IL1RAPL2: variants seen among roughly 807,000 people sequenced by gnomAD.
The protein encoded by IL1RAPL2 is X-linked interleukin-1 receptor accessory protein-like 2.
Under a neutral mutation model 44.1 loss-of-function variants are expected in IL1RAPL2, and 3 were observed. The ratio of observed to expected loss-of-function variants is 0.07; its 90% CI spans 0.03 to 0.18. IL1RAPL2 has a LOEUF of 0.18. IL1RAPL2 is among the 10% of genes least tolerant of loss of function. The probability of loss-of-function intolerance (pLI) is 1.00; values close to 1 mark genes in which losing one functional copy is unlikely to be tolerated. For synonymous variants in IL1RAPL2, 181 were observed against 178.8 expected (o/e 1.01, Z -0.10); for missense variants, 391 against 496.4 (o/e 0.79, Z 2.02).
chrX:104,769,498 G>T (rs900281113), intron 2 of IL1RAPL2, among the ~76,000 whole-genome samples: 1 of 112,233 alleles, frequency 8.9e-6, no homozygotes, highest in Non-Finnish European at 1.9e-5. Context: ...GAATGTAAAA[G>T]AATATAGTAA....
At chrX:105,266,149 C>A (rs1367428058) in intron 4 of IL1RAPL2, among the ~76,000 whole-genome samples, 1 of 109,613 alleles carries the variant, frequency 9.1e-6, no homozygotes, top group Non-Finnish European at 1.9e-5. Context: ...TCAAGAGATT[C>A]TTCTGCCTCA....
chrX:104,709,691 C>T (rs188758829), intron 2 of IL1RAPL2, among the ~76,000 whole-genome samples: 18 of 110,649 alleles, frequency 1.6e-4, no homozygotes, highest in Non-Finnish European at 2.7e-4. Context: ...TATGTATAAC[C>T]GTGATCAAGA....
intron 6 of IL1RAPL2, among the ~76,000 whole-genome samples, chrX:105,523,249 G>A (rs761692619): frequency 5.6e-4 from 62 of 111,509 alleles, no homozygotes; most frequent in African/African-American, 2.0e-3. Context: ...ATGGTAGTTA[G>A]CATTGCAAGT....
intron 2 of IL1RAPL2, among the ~76,000 whole-genome samples, chrX:105,119,629 T>C (rs2147571192): frequency 9.0e-6 from 1 of 110,809 alleles, no homozygotes; most frequent in Admixed American, 9.6e-5. Context: ...CTTTGTTTTC[T>C]CTTTGTTCAA....
At chrX:104,856,796 T>A (rs1467453326) in intron 2 of IL1RAPL2, among the ~76,000 whole-genome samples, 1 of 112,285 alleles carries the variant, frequency 8.9e-6, no homozygotes, top group Non-Finnish European at 1.9e-5. Context: ...TTATCAAGAA[T>A]AAAACATTTT....
chrX:105,658,798 CAA>C (rs60498943), intron 6 of IL1RAPL2, among the ~76,000 whole-genome samples: 3 of 93,234 alleles, frequency 3.2e-5, no homozygotes, highest in African/African-American at 3.9e-5. Context: ...ACTAAAAATA[CAA>C]AAAAAAAAAA....
At chrX:105,242,770 C>A (rs2034182447) in intron 4 of IL1RAPL2, among the ~76,000 whole-genome samples, 1 of 111,158 alleles carries the variant, frequency 9.0e-6, no homozygotes, top group Admixed American at 9.6e-5. Context: ...GAGAAGATGG[C>A]CAGAAAAGCA....
chrX:104,705,505 C>A (rs778949934), intron 2 of IL1RAPL2, among the ~76,000 whole-genome samples: 3 of 111,103 alleles, frequency 2.7e-5, no homozygotes, highest in African/African-American at 9.8e-5. Context: ...AACATCTCAT[C>A]AGCTGAATAA....
chrX:104,582,208 C>T (rs778345191), intron 1 of IL1RAPL2, among the ~76,000 whole-genome samples: 254 of 112,000 alleles, frequency 2.3e-3, no homozygotes, highest in Non-Finnish European at 3.9e-3. Context: ...ACACCAGCTA[C>T]TATGGTTTGT....
intron 2 of IL1RAPL2, among the ~76,000 whole-genome samples, chrX:104,936,771 A>T (rs1394146899): frequency 2.8e-5 from 3 of 108,766 alleles, no homozygotes; most frequent in African/African-American, 1.0e-4. Flanking sequence ...ACGGTGGCTA[A>T]TTTTTTTTGT....
At chrX:104,840,500 A>G (rs1921871986) in intron 2 of IL1RAPL2, among the ~76,000 whole-genome samples, 1 of 111,451 alleles carries the variant, frequency 9.0e-6, no homozygotes, top group African/African-American at 3.3e-5. Flanking sequence ...GGTCAGTTTT[A>G]CAATAAGTGC....
chrX:105,354,627 T>C (rs1203371112), intron 5 of IL1RAPL2, among the ~76,000 whole-genome samples: 1 of 109,573 alleles, frequency 9.1e-6, no homozygotes, highest in Non-Finnish European at 1.9e-5. Flanking sequence ...ATTGTGCACA[T>C]GTACCCTAAA....
chrX:104,824,018 G>A (rs1006747304), intron 2 of IL1RAPL2, among the ~76,000 whole-genome samples: 1 of 111,667 alleles, frequency 9.0e-6, no homozygotes, highest in Non-Finnish European at 1.9e-5. Flanking sequence ...GATATTGGCG[G>A]TGGGTTTGTC....
chrX:104,743,491 A>G (rs924603647), intron 2 of IL1RAPL2, among the ~76,000 whole-genome samples: 1 of 110,533 alleles, frequency 9.0e-6, no homozygotes, highest in Non-Finnish European at 1.9e-5. Context: ...AATAATTACC[A>G]CTGCAAAAAT....
intron 1 of IL1RAPL2, among the ~76,000 whole-genome samples, chrX:104,632,212 G>A (rs1929667206): frequency 9.0e-6 from 1 of 111,287 alleles, no homozygotes; most frequent in African/African-American, 3.3e-5. Context: ...TCTCTGTTTT[G>A]GTACCAGTAC....
chrX:105,075,540 G>A (rs943730958), intron 2 of IL1RAPL2, among the ~76,000 whole-genome samples: 5 of 111,589 alleles, frequency 4.5e-5, no homozygotes, highest in Admixed American at 1.9e-4. Context: ...TTGGTATCAG[G>A]ATGATGCTGG....
At chrX:105,532,843 A>G (rs1231256894) in intron 6 of IL1RAPL2, among the ~76,000 whole-genome samples, 1 of 111,385 alleles carries the variant, frequency 9.0e-6, no homozygotes, top group African/African-American at 3.3e-5. Flanking sequence ...TATTTCATAT[A>G]TACATACACC....
At chrX:104,908,491 C>G (rs1414269377) in intron 2 of IL1RAPL2, among the ~76,000 whole-genome samples, 1 of 111,057 alleles carries the variant, frequency 9.0e-6, no homozygotes. Context: ...TCTTTTAGGG[C>G]AGGCCTGGTG....
At position 105,527,436 on chromosome X, in the gene IL1RAPL2, T is replaced by TTGTGTGTG. The variant is rs10687485; in HGVS notation, c.772+43077_772+43084dup. Among the ~76,000 whole-genome samples the TTGTGTGTG allele has an allele frequency of 6.4e-4, 61 of 95,649 alleles. 1 individual carries two copies. In the South Asian group the frequency reaches 0.011, roughly 18 times the overall value. The allele number at this position is 95,649 out of a possible 115,157, so 83.1% of individuals were successfully genotyped here. On this transcript the variant is annotated intron_variant, in intron 6 of 10. Transcript: ENST00000372582. Reference sequence around the variant, plus strand: ...GACATGCAGTATATGTGAGAGTGTGTTGTGTGTGTGTGTGTGTGTGTGTGT... The same window carrying TTGTGTGTG: ...GACATGCAGTATATGTGAGAGTGTGTTGTGTGTGTGTGTGTGTGTGTGTGTGTGTGTGT...
Sources: gnomAD v4.1 joint callset for allele counts (sites outside exome capture counted in the v4.1 genomes callset) on GRCh38, gnomAD v4.1.1 for gene constraint, MANE v1.5 for transcripts, NCBI Gene and HGNC (gene_info 2026-07-23, HGNC 2026-07-21) for gene names.